WNK2: variants seen among roughly 807,000 people sequenced by gnomAD.
The protein encoded by WNK2 is serine/threonine-protein kinase WNK2.
Under a neutral mutation model 192.1 loss-of-function variants are expected in WNK2, and 67 were observed. That is an observed-to-expected ratio of 0.35 (90% confidence interval 0.29 to 0.43). The LOEUF is 0.43. Ranked by LOEUF, WNK2 falls within the 20% of genes least tolerant of loss-of-function variation. The pLI, the probability that WNK2 is intolerant of heterozygous loss-of-function variation, is 1.00. For missense variants in WNK2, 2,698 were observed against 3,089.7 expected (o/e 0.87, Z 3.01); for synonymous variants, 1,439 against 1,393.9 (o/e 1.03, Z -0.72).
chr9:93,200,042 A>C (rs558621307), intron 2 of WNK2, among the ~76,000 whole-genome samples: 10 of 152,246 alleles, frequency 6.6e-5, no homozygotes, highest in Non-Finnish European at 1.3e-4. Context: ...CATGCTGAGC[A>C]GGCGTTGCGT....
intron 8 of WNK2, 105 bp from the exon 9 acceptor site, chr9:93,252,778 A>G: frequency 9.2e-7 from 1 of 1,090,486 alleles, no homozygotes; most frequent in Non-Finnish European, 1.2e-6. Flanking sequence ...TGTGATCTGG[A>G]GAAACAAGCC....
chr9:93,320,484 G>A lies in WNK2; in HGVS notation c.*92G>A. On this transcript the variant is annotated 3_prime_UTR_variant, in exon 30 of 30. Coordinates refer to ENST00000427277, the MANE Select transcript of WNK2 (RefSeq NM_006648.4). ...CTGCTCCTCCTGTCCAGTTCACGCT[G>A]TTTTGTAACCACTTTCTAAGCATTT... 7.9e-7 allele frequency: 1 copy of A among 1,272,048 alleles called. No individual in the cohort carries two copies. Among genetic ancestry groups the A allele is most frequent in the South Asian group, 1.2e-5 (1 of 85,680 alleles). 78.8% of individuals were successfully genotyped at this position (1,272,048 alleles called of 1,614,324 possible). A position where few individuals can be genotyped will look rare whatever the true frequency, so the allele number is the denominator to read the frequency against.
At chr9:93,219,688 G>A (rs1836465536) in intron 2 of WNK2, among the ~76,000 whole-genome samples, 1 of 152,256 alleles carries the variant, frequency 6.6e-6, no homozygotes, top group Non-Finnish European at 1.5e-5. Flanking sequence ...AAGAGGCTAT[G>A]TGGGGGCTCC....
rs753746242 is a variant in WNK2 at position 93,262,037 on chromosome 9, C to T, written c.3290C>T (p.Pro1097Leu). The change falls in exon 13 of 30, where the codon CCG (proline) becomes CTG (leucine). Residue 1097 changes from proline (P) to leucine (L), a missense_variant. Transcript: ENST00000427277. ...ACACTTCTGCCACCAGCAAACCCAC[C>T]GCTGCCTGGCGGGCCCGGGATCGCC... ...TATLLPPANP[P>L]LPGGPGIASP... 1.6e-5 allele frequency: 25 copies of T among 1,610,434 alleles called. No individual in the cohort carries two copies. The highest frequency in any genetic ancestry group is 9.3e-5 in the African/African-American group (7 of 74,892).
At chr9:93,309,191 A>G (rs1853190825) in intron 28 of WNK2, 8 of 938,712 alleles carry the variant, frequency 8.5e-6, no homozygotes, top group Non-Finnish European at 1.0e-5. Flanking sequence ...GTCATTTGTG[A>G]ATCCATCTGG....
intron 2 of WNK2, among the ~76,000 whole-genome samples, chr9:93,213,532 G>A (rs1282167204): frequency 6.6e-6 from 1 of 152,174 alleles, no homozygotes. Context: ...GCTCACACCT[G>A]TAATCCCAGC....
At chr9:93,276,326 A>G (rs1846869444) in intron 19 of WNK2, among the ~76,000 whole-genome samples, 1 of 152,240 alleles carries the variant, frequency 6.6e-6, no homozygotes, top group African/African-American at 2.4e-5. Flanking sequence ...AAAGATGCAA[A>G]AGCAATCCAA....
chr9:93,197,436 C>CT (rs1201519407), intron 2 of WNK2, among the ~76,000 whole-genome samples: 1 of 152,218 alleles, frequency 6.6e-6, no homozygotes, highest in Non-Finnish European at 1.5e-5. Flanking sequence ...GTCCCTCTGC[C>CT]TTTTATTATT....
chr9:93,308,860 C>T, intron 28 of WNK2: 1 of 1,339,842 alleles, frequency 7.5e-7, no homozygotes. Context: ...CAGCAGCAGC[C>T]CCAGCCTGGG....
chr9:93,260,397 C>A (rs554310619), intron 12 of WNK2, among the ~76,000 whole-genome samples: 1 of 152,268 alleles, frequency 6.6e-6, no homozygotes, highest in East Asian at 1.9e-4. Flanking sequence ...ATTTTCCCAC[C>A]TGGGCCTCCT....
chr9:93,252,697 G>T lies in WNK2; in HGVS notation c.1835-186G>T, dbSNP rs112094201. On this transcript the variant is annotated intron_variant, in intron 8 of 29. Transcript: ENST00000427277. Reference sequence around the variant, plus strand: ...CCAGACATGGGCAGTGTTGGAGTGGGGCACCGTGACAGCATCCCCAGTATG... The same window carrying T: ...CCAGACATGGGCAGTGTTGGAGTGGTGCACCGTGACAGCATCCCCAGTATG... Among the ~76,000 whole-genome samples, 204 of 152,336 alleles carry T rather than the reference G, an allele frequency of 1.3e-3. 1 individual carries two copies. The highest frequency in any genetic ancestry group is 4.4e-3 in the African/African-American group (184 of 41,574).
intron 28 of WNK2, among the ~76,000 whole-genome samples, chr9:93,311,168 T>C (rs1853583679): frequency 6.6e-6 from 1 of 152,228 alleles, no homozygotes; most frequent in Admixed American, 6.5e-5. Context: ...TATCTGTCTT[T>C]TTCCACTGGC....
chr9:93,200,264 A>G (rs1257137578), intron 2 of WNK2, among the ~76,000 whole-genome samples: 1 of 152,224 alleles, frequency 6.6e-6, no homozygotes, highest in Admixed American at 6.5e-5. Flanking sequence ...CCAGAGGTCC[A>G]GGGCAGGTTT....
intron 23 of WNK2, among the ~76,000 whole-genome samples, chr9:93,295,210 T>TGGACCA (rs1294906643): frequency 1.3e-5 from 2 of 152,116 alleles, no homozygotes; most frequent in Non-Finnish European, 2.9e-5. Context: ...CCGCGGGAGC[T>TGGACCA]GGACCATGTG....
In WNK2 at chr9:93,289,005, AG is replaced by A; in HGVS notation, c.4256del (p.Gly1419ValfsTer8). 1 of 1,601,580 alleles carries A rather than the reference AG, an allele frequency of 6.2e-7. No homozygotes were observed. Among genetic ancestry groups the A allele is most frequent in the South Asian group, 1.1e-5 (1 of 89,318 alleles). On this transcript the variant is annotated frameshift_variant, in exon 20 of 30. Coordinates refer to ENST00000427277, the MANE Select transcript of WNK2 (RefSeq NM_006648.4). LOFTEE classifies it high-confidence loss of function. ...CAGCGTCAGGAACTGCCAGCCAGGC[AG>A]GGGGTCCAGGGACACCTCAGGGGCT... ...EPASGTASQA[G>X]GPGTPQGLTS...
intron 2 of WNK2, among the ~76,000 whole-genome samples, chr9:93,211,442 A>T (rs894965659): frequency 7.1e-6 from 1 of 141,246 alleles, no homozygotes; most frequent in Non-Finnish European, 1.5e-5. Flanking sequence ...CCACCCACTC[A>T]TCCACTCACC....
intron 19 of WNK2, among the ~76,000 whole-genome samples, chr9:93,283,326 A>G (rs1444884663): frequency 6.6e-6 from 1 of 152,202 alleles, no homozygotes; most frequent in Non-Finnish European, 1.5e-5. Flanking sequence ...GAAATAGTAA[A>G]CAAATATACA....
chr9:93,240,608 G>A (rs1840606176), intron 7 of WNK2, among the ~76,000 whole-genome samples: 1 of 152,162 alleles, frequency 6.6e-6, no homozygotes, highest in Non-Finnish European at 1.5e-5. Flanking sequence ...AGAGGCAGAA[G>A]AGACAGGGCC....
chr9:93,272,738 C>CAAAAAAAAAAAAAAAAA (rs35641750), intron 19 of WNK2, among the ~76,000 whole-genome samples: 2 of 90,804 alleles, frequency 2.2e-5, no homozygotes, highest in African/African-American at 1.0e-4. Flanking sequence ...AACTCCGTCT[C>CAAAAAAAAAAAAAAAAA]AAAAAAAAAA....
Sources: gnomAD v4.1 joint callset for allele counts (sites outside exome capture counted in the v4.1 genomes callset) on GRCh38, gnomAD v4.1.1 for gene constraint, MANE v1.5 for transcripts, NCBI Gene and HGNC (gene_info 2026-07-23, HGNC 2026-07-21) for gene names.